GRIA1: variants seen among roughly 807,000 people sequenced by gnomAD.
GRIA1 encodes the protein glutamate receptor 1.
A neutral mutation model predicts 99.2 loss-of-function variants in GRIA1; 31 were observed. The ratio of observed to expected loss-of-function variants is 0.31; its 90% confidence interval spans 0.23 to 0.42. The LOEUF is 0.42. Among genes scored for constraint, GRIA1 ranks in the 10% least tolerant of loss-of-function variants. The probability of loss-of-function intolerance (pLI) is 1.00; values close to 1 mark genes in which losing one functional copy is unlikely to be tolerated. For missense variants in GRIA1, 782 were observed against 1,157.5 expected, an observed-to-expected ratio of 0.68 and a Z score of 4.71; for synonymous variants, 438 against 432.4, an observed-to-expected ratio of 1.01 and a Z score of -0.16.
chr5:153,552,770 A>G lies in GRIA1; in HGVS notation c.220+58705A>G, dbSNP rs1054196308. Among the ~76,000 whole-genome samples, 7 of 152,310 alleles carry G rather than the reference A, an allele frequency of 4.6e-5. No homozygotes were observed. The South Asian group carries it at 1.2e-3, about 27-fold the overall frequency. On this transcript the variant is annotated intron_variant, in intron 2 of 15. Coordinates refer to ENST00000285900, the MANE Select transcript of GRIA1 (RefSeq NM_000827.4). ...AAGGTTTAGCATTTCTTACAAGCCA[A>G]TGCTTCTGGTCCCCCAATCATATTT...
chr5:153,611,826 C>A (rs1291523836), intron 2 of GRIA1, among the ~76,000 whole-genome samples: 2 of 152,242 alleles, frequency 1.3e-5, no homozygotes, highest in Non-Finnish European at 2.9e-5. Flanking sequence ...GAAAGGTGTT[C>A]TCTCACCGGC....
At chr5:153,623,160 A>T (rs1767225875) in intron 2 of GRIA1, among the ~76,000 whole-genome samples, 1 of 152,216 alleles carries the variant, frequency 6.6e-6, no homozygotes, top group Non-Finnish European at 1.5e-5. Flanking sequence ...AATTCTGACA[A>T]ATTAATAATG....
chr5:153,674,766 G>A (rs7709884), intron 6 of GRIA1, 105 bp downstream of exon 6: 232,826 of 1,200,766 alleles, frequency 0.19, 25,573 homozygotes, highest in East Asian at 0.44. Context: ...TTTCTAAAGC[G>A]AACAAATTCA....
intron 8 of GRIA1, among the ~76,000 whole-genome samples, chr5:153,688,920 C>A (rs1261127062): frequency 6.6e-6 from 1 of 152,060 alleles, no homozygotes; most frequent in African/African-American, 2.4e-5. Context: ...GGGTTTCTCA[C>A]GACGTTGGCC....
chr5:153,718,583 A>AT (rs1759826878), intron 11 of GRIA1, among the ~76,000 whole-genome samples: 1 of 152,172 alleles, frequency 6.6e-6, no homozygotes, highest in South Asian at 2.1e-4. Flanking sequence ...AGGTCCATTC[A>AT]TACCAATATC....
chr5:153,639,982 G>T (rs1388078132), intron 2 of GRIA1, among the ~76,000 whole-genome samples: 2 of 152,168 alleles, frequency 1.3e-5, no homozygotes, highest in Admixed American at 1.3e-4. Flanking sequence ...GAGGAGAAGG[G>T]GCTTGTTCAC....
At position 153,678,911 on chromosome 5, in the gene GRIA1, G is replaced by A. The variant is rs528608642; in HGVS notation, c.1029+1750G>A. On this transcript the variant is annotated intron_variant, in intron 7 of 15. Transcript: ENST00000285900. ...TGCTGCCTTCCCTTTCCTTCCCCAT[G>A]AAAATGAAGGGGGTGGAGAGAGGAC... Among the ~76,000 whole-genome samples the A allele has an allele frequency of 9.8e-5, 15 of 152,290 alleles. No homozygotes were observed. The East Asian group carries it at 2.5e-3, about 26-fold the overall frequency.
At chr5:153,685,850 G>A (rs1199923143) in intron 7 of GRIA1, among the ~76,000 whole-genome samples, 2 of 152,126 alleles carry the variant, frequency 1.3e-5, no homozygotes, top group African/African-American at 4.8e-5. Context: ...TCTTTCCTTT[G>A]CAGGCCCCCC....
chr5:153,677,183 C>A (rs1456176312), intron 7 of GRIA1, 22 bp downstream of exon 7: 1 of 1,419,498 alleles, frequency 7.0e-7, no homozygotes, highest in South Asian at 1.7e-5. Flanking sequence ...AATGTTTGCC[C>A]CATCTCATAG....
chr5:153,797,343 C>G (rs1765711365), intron 14 of GRIA1, among the ~76,000 whole-genome samples: 1 of 152,238 alleles, frequency 6.6e-6, no homozygotes, highest in African/African-American at 2.4e-5. Flanking sequence ...TCAAAACACC[C>G]TGGATCCTGT....
intron 11 of GRIA1, among the ~76,000 whole-genome samples, chr5:153,733,229 T>C (rs1761164390): frequency 6.6e-6 from 1 of 152,086 alleles, no homozygotes; most frequent in African/African-American, 2.4e-5. Flanking sequence ...AATGTAGAAT[T>C]TGTTAATTGC....
chr5:153,569,875 A>G (rs529714766), intron 2 of GRIA1, among the ~76,000 whole-genome samples: 1 of 152,344 alleles, frequency 6.6e-6, no homozygotes, highest in African/African-American at 2.4e-5. Context: ...GGGGAAGCAG[A>G]GGCCCAGAAA....
intron 2 of GRIA1, among the ~76,000 whole-genome samples, chr5:153,502,508 G>A (rs368735584): frequency 4.0e-4 from 61 of 152,280 alleles, no homozygotes; most frequent in African/African-American, 1.1e-3. Context: ...TTTAGCTCCC[G>A]CTGGACTATT....
chr5:153,630,581 C>G (rs561940553), intron 2 of GRIA1, among the ~76,000 whole-genome samples: 1 of 152,296 alleles, frequency 6.6e-6, no homozygotes, highest in South Asian at 2.1e-4. Flanking sequence ...TTGAACAAGG[C>G]AGGTCCAAGC....
intron 2 of GRIA1, among the ~76,000 whole-genome samples, chr5:153,512,536 C>T (rs537346775): frequency 1.3e-4 from 20 of 152,306 alleles, no homozygotes; most frequent in African/African-American, 4.6e-4. Flanking sequence ...TGACTCCACA[C>T]GACAGAGCCC....
rs147571145 is a variant in GRIA1 at position 153,491,190 on chromosome 5, C to A, written c.82+220C>A. 6.5e-4 allele frequency: 759 copies of A among 1,161,232 alleles called. 7 individuals carry two copies. In the East Asian group the frequency reaches 0.019, roughly 29 times the overall value. 71.9% of individuals were successfully genotyped at this position (1,161,232 alleles called of 1,614,324 possible). A position where few individuals can be genotyped will look rare whatever the true frequency, so the allele number is the denominator to read the frequency against. On this transcript the variant is annotated intron_variant, in intron 1 of 15. Coordinates refer to ENST00000285900, the MANE Select transcript of GRIA1 (RefSeq NM_000827.4). ...GGAAGTGTTCACACACGCACACATA[C>A]CCTACTCGCACTCCAGGCAAGAGCA... is the stretch of plus-strand genomic sequence containing the variant.
At chr5:153,790,310 A>G (rs1765219596) in intron 13 of GRIA1, among the ~76,000 whole-genome samples, 1 of 152,300 alleles carries the variant, frequency 6.6e-6, no homozygotes, top group South Asian at 2.1e-4. Flanking sequence ...AAAATGACCA[A>G]TCTCTTATTT....
intron 2 of GRIA1, among the ~76,000 whole-genome samples, chr5:153,555,325 A>T (rs1760528777): frequency 6.6e-6 from 1 of 151,720 alleles, no homozygotes; most frequent in Non-Finnish European, 1.5e-5. Context: ...GTGTCACTAC[A>T]TACAGGGAGC....
intron 2 of GRIA1, among the ~76,000 whole-genome samples, chr5:153,598,278 A>G (rs1464384360): frequency 6.6e-6 from 1 of 152,122 alleles, no homozygotes; most frequent in Non-Finnish European, 1.5e-5. Context: ...ACATCCTGTC[A>G]GTGCTGTTAC....
Sources: allele counts gnomAD v4.1 joint callset (sites outside exome capture counted in the v4.1 genomes callset), GRCh38; gene constraint gnomAD v4.1.1; transcripts MANE v1.5; gene names NCBI Gene and HGNC (gene_info 2026-07-23, HGNC 2026-07-21).